Variants in NUDT19 observed in about 807,000 individuals in gnomAD.
The protein encoded by NUDT19 is acyl-coenzyme A diphosphatase NUDT19.
NUDT19 carries 31 observed loss-of-function variants against 22.2 expected under a neutral mutation model. The observed-to-expected ratio is 1.40, with a 90% confidence interval of 1.05 to 1.89. The LOEUF is 1.89. NUDT19 is among the 40% of genes most tolerant of loss of function. The pLI is 0.00. For synonymous variants in NUDT19, 325 were observed against 230.8 expected, an observed-to-expected ratio of 1.41 and a Z score of -3.70; for missense variants, 752 against 514.2, an observed-to-expected ratio of 1.46 and a Z score of -4.47.
intron 1 of NUDT19, among the ~76,000 whole-genome samples, chr19:32,694,593 G>C (rs1428414714): frequency 6.6e-6 from 1 of 152,214 alleles, no homozygotes. Flanking sequence ...TGTGCTGATG[G>C]ACTTGAGCTT....
At chr19:32,699,640 A>G (rs141993618) in intron 1 of NUDT19, among the ~76,000 whole-genome samples, 1,654 of 152,332 alleles carry the variant, frequency 0.011, 37 homozygotes, top group African/African-American at 0.038. Context: ...ATTCTAAGGA[A>G]AAATAGGACA....
At chr19:32,697,058 C>CT (rs1389419902) in intron 1 of NUDT19, among the ~76,000 whole-genome samples, 1 of 152,014 alleles carries the variant, frequency 6.6e-6, no homozygotes, top group East Asian at 1.9e-4. Flanking sequence ...ATAGGACAAT[C>CT]TTTTTTTTAA....
At chr19:32,699,333 A>C (rs180788329) in intron 1 of NUDT19, among the ~76,000 whole-genome samples, 79 of 152,280 alleles carry the variant, frequency 5.2e-4, no homozygotes, top group Admixed American at 8.5e-4. Flanking sequence ...GATAGATAGG[A>C]TAGATGGGTG....
At chr19:32,704,034 T>C (rs1393536818) in intron 1 of NUDT19, among the ~76,000 whole-genome samples, 3 of 152,150 alleles carry the variant, frequency 2.0e-5, no homozygotes. Context: ...TCCTTCTGCC[T>C]AAAGAAGTTT....
At position 32,712,278 on chromosome 19, in the gene NUDT19, C is replaced by T. The variant is rs771244816; in HGVS notation, c.*321C>T. On this transcript the variant is annotated 3_prime_UTR_variant, in exon 3 of 3. Coordinates refer to ENST00000397061, the MANE Select transcript of NUDT19 (RefSeq NM_001105570.2). ...ATTTTTAGTAGAGACGGGTTTTCAC[C>T]GTGTTAGCCAGGATGGTCTCAATCT... 6 of 213,872 alleles carry T rather than the reference C, an allele frequency of 2.8e-5. No homozygotes were observed. Among genetic ancestry groups the T allele is most frequent in the Non-Finnish European group, 3.7e-5 (4 of 107,280 alleles). 13.2% of individuals were successfully genotyped at this position (213,872 alleles called of 1,614,324 possible). A position where few individuals can be genotyped will look rare whatever the true frequency, so the allele number is the denominator to read the frequency against.
In NUDT19 at chr19:32,700,202, TGCTGATTGGTCCATTTTACAGAGC is replaced by T. The variant is rs909308585; in HGVS notation, c.714+7552_714+7575del. Among the ~76,000 whole-genome samples the T allele has an allele frequency of 7.2e-5, 11 of 152,356 alleles. No individual in the cohort carries two copies. In the South Asian group the frequency reaches 8.3e-4, roughly 11 times the overall value. On this transcript the variant is annotated intron_variant, in intron 1 of 2. Transcript: ENST00000397061. ...CCCTTATTTGGCCCTGCCCACATCC[TGCTGATTGGTCCATTTTACAGAGC>T]GCTGATTGGTCCATTTTACAGAGTG...
In NUDT19 at chr19:32,691,920, G is replaced by C. The variant is rs560781681; in HGVS notation, c.-41G>C. 231 of 1,161,980 alleles carry C rather than the reference G, an allele frequency of 2.0e-4. 1 individual carries two copies. The highest frequency in any genetic ancestry group is 1.2e-3 in the South Asian group (27 of 22,688). The allele number at this position is 1,161,980 out of a possible 1,614,324, so 72.0% of individuals were successfully genotyped here. A position where few individuals can be genotyped will look rare whatever the true frequency, so the allele number is the denominator to read the frequency against. On this transcript the variant is annotated 5_prime_UTR_variant, in exon 1 of 3. Transcript: ENST00000397061. The stretch of plus-strand genomic sequence containing the variant: ...GCAGGGCCGGGCCACCTGCCGTGGA[G>C]CTCAGGCCGCGCCAGAATCGGATCC...
chr19:32,709,483 TAC>T, intron 2 of NUDT19, 91 bp downstream of exon 2: 1 of 1,001,314 alleles, frequency 1.0e-6, no homozygotes, highest in Non-Finnish European at 1.6e-6. Flanking sequence ...AGACAGGAAT[TAC>T]AGTCTGTGTT....
chr19:32,706,365 A>G (rs904210352), intron 1 of NUDT19, among the ~76,000 whole-genome samples: 1 of 152,108 alleles, frequency 6.6e-6, no homozygotes, highest in African/African-American at 2.4e-5. Flanking sequence ...TACTACACGA[A>G]TTGTTATCAT....
At chr19:32,697,918 T>C (rs1968284048) in intron 1 of NUDT19, among the ~76,000 whole-genome samples, 1 of 152,042 alleles carries the variant, frequency 6.6e-6, no homozygotes. Context: ...CAAATTCCGC[T>C]CCCCCTACAG....
At chr19:32,710,320 GT>G (rs1160785842) in intron 2 of NUDT19, among the ~76,000 whole-genome samples, 26 of 121,420 alleles carry the variant, frequency 2.1e-4, no homozygotes, top group Admixed American at 4.7e-4. Context: ...AGCCAACTTT[GT>G]TTTTTTTTTT....
chr19:32,709,291 C>T lies in NUDT19; in HGVS notation c.821C>T (p.Ser274Phe), dbSNP rs753662204. The T allele has an allele frequency of 1.9e-6, 3 of 1,614,154 alleles. No homozygotes were observed. Among genetic ancestry groups the T allele is most frequent in the Non-Finnish European group, 2.5e-6 (3 of 1,180,002 alleles). ...AGACTTGCAAACTTTGCCTCTCTCT[C>T]TGACTTGCACAAATTTTGTTTGGGT... The part of the protein sequence containing the change: ...VRRLANFASL[S>F]DLHKFCLGRA... Residue 274 changes from serine to phenylalanine, a missense_variant, in exon 2 of 3, where the codon TCT becomes TTT. Physicochemically the swap from Ser to Phe is radical, Grantham distance 155 (BLOSUM62 -2). Coordinates refer to ENST00000397061, the MANE Select transcript of NUDT19 (RefSeq NM_001105570.2).
At chr19:32,703,951 C>T (rs1404474703) in intron 1 of NUDT19, among the ~76,000 whole-genome samples, 3 of 152,144 alleles carry the variant, frequency 2.0e-5, no homozygotes, top group African/African-American at 2.4e-5. Context: ...GCATGAGCCA[C>T]CATGCCCAGC....
intron 1 of NUDT19, among the ~76,000 whole-genome samples, chr19:32,705,950 G>C (rs575693721): frequency 8.0e-4 from 122 of 152,214 alleles, no homozygotes; most frequent in Middle Eastern, 3.4e-3. Flanking sequence ...TGTTCAACAT[G>C]ATCTCTCCAC....
chr19:32,709,423 A>G (rs1447357720), intron 2 of NUDT19, 31 bp downstream of exon 2: 2 of 1,575,158 alleles, frequency 1.3e-6, no homozygotes, highest in African/African-American at 1.3e-5. Flanking sequence ...TGCTTTTGTT[A>G]GTATTCACAT....
At chr19:32,711,398 G>A (rs753834700) in intron 2 of NUDT19, among the ~76,000 whole-genome samples, 20 of 152,114 alleles carry the variant, frequency 1.3e-4, no homozygotes, top group African/African-American at 4.1e-4. Context: ...AAGAGGTGGA[G>A]GTTGCAATGA....
In NUDT19 at chr19:32,691,845, A is replaced by G. The variant is rs10413282; in HGVS notation, c.-116A>G. ...CAAACGCCCAGGTTCACCCAACGCC[A>G]GAGGCTCGTCCTCAATTCCCGCGAG... On this transcript the variant is annotated 5_prime_UTR_variant, in exon 1 of 3. Coordinates refer to ENST00000397061, the MANE Select transcript of NUDT19 (RefSeq NM_001105570.2). The G allele has an allele frequency of 0.22, 115,089 of 519,388 alleles. 14,293 individuals are homozygous for G. Among genetic ancestry groups the G allele is most frequent in the African/African-American group, 0.42 (21,022 of 49,704 alleles). The allele number at this position is 519,388 out of a possible 1,614,324, so 32.2% of individuals were successfully genotyped here.
intron 1 of NUDT19, among the ~76,000 whole-genome samples, chr19:32,694,252 C>A (rs1203572643): frequency 6.6e-6 from 1 of 152,298 alleles, no homozygotes; most frequent in South Asian, 2.1e-4. Context: ...ATTTCAGAAA[C>A]CTTTTCCTGT....
At chr19:32,705,334 G>A (rs555949286) in intron 1 of NUDT19, among the ~76,000 whole-genome samples, 268 of 150,234 alleles carry the variant, frequency 1.8e-3, no homozygotes, top group Non-Finnish European at 2.1e-3. Context: ...TGAAGCAGGA[G>A]AATCGCTTGA....
Sources: gnomAD v4.1 joint callset for allele counts (sites outside exome capture counted in the v4.1 genomes callset) on GRCh38, gnomAD v4.1.1 for gene constraint, MANE v1.5 for transcripts, NCBI Gene and HGNC (gene_info 2026-07-23, HGNC 2026-07-21) for gene names.